GPI: variants seen among roughly 807,000 people sequenced by gnomAD.
GPI encodes the protein glucose-6-phosphate isomerase, also known as D-hexose-6-phosphate anomerase.
GPI carries 56 observed loss-of-function variants against 75.8 expected under a neutral mutation model. The observed-to-expected ratio is 0.74, with a 90% CI of 0.60 to 0.92. The LOEUF is 0.92. GPI is among the 40% of genes least tolerant of loss of function. The probability of loss-of-function intolerance (pLI) is 0.00; values close to 1 mark genes in which losing one functional copy is unlikely to be tolerated. For synonymous variants in GPI, 288 were observed against 285.4 expected, an observed-to-expected ratio of 1.01 and a Z score of -0.09; for missense variants, 638 against 741.0, an observed-to-expected ratio of 0.86 and a Z score of 1.61.
rs375358407 is a variant in GPI at position 34,386,099 on chromosome 19, T to C, written c.804+4580T>C. Among the ~76,000 whole-genome samples the C allele has an allele frequency of 2.3e-4, 34 of 148,686 alleles. No homozygotes were observed. In the South Asian group the frequency reaches 5.4e-3, roughly 23 times the overall value. ...CAGGTAGGTAGAGCTGCCTGCCAGG[T>C]ATGGTCTGAAGAGCCAGGATCAAGT... On this transcript the variant is annotated intron_variant, in intron 9 of 17. Transcript: ENST00000356487.
At chr19:34,364,909 G>T, upstream of GPI, 2 of 1,439,844 alleles carry the variant, frequency 1.4e-6, no homozygotes, top group Non-Finnish European at 1.9e-6. Flanking sequence ...GCAGCGGCGC[G>T]ATGGTAGCTC....
intron 4 of GPI, among the ~76,000 whole-genome samples, chr19:34,376,511 C>T (rs1291320241): frequency 1.3e-5 from 2 of 149,568 alleles, no homozygotes; most frequent in Non-Finnish European, 3.0e-5. Context: ...CTGCAGTGAG[C>T]TGAGATCGTG....
chr19:34,386,275 GTTCAA>G (rs2074733829), intron 9 of GPI, among the ~76,000 whole-genome samples: 2 of 150,998 alleles, frequency 1.3e-5, no homozygotes, highest in African/African-American at 2.4e-5. Flanking sequence ...GAGAACCCAG[GTTCAA>G]GCACAGGTAG....
At chr19:34,368,323 G>GTAGA (rs957439521) in intron 3 of GPI, among the ~76,000 whole-genome samples, 1 of 152,202 alleles carries the variant, frequency 6.6e-6, no homozygotes, top group African/African-American at 2.4e-5. Flanking sequence ...GAGCATCTCT[G>GTAGA]GCAGGCCTTC....
chr19:34,384,860 T>C (rs1328091738), intron 9 of GPI, among the ~76,000 whole-genome samples: 1 of 152,000 alleles, frequency 6.6e-6, no homozygotes, highest in African/African-American at 2.4e-5. Context: ...CTGGCCAGCA[T>C]AGCGAAACCC....
chr19:34,377,241 G>A (rs1192794698), intron 4 of GPI, among the ~76,000 whole-genome samples: 2 of 128,804 alleles, frequency 1.6e-5, no homozygotes, highest in Non-Finnish European at 3.1e-5. Flanking sequence ...GGCAGAGATT[G>A]CAGGGAGCCG....
chr19:34,372,606 C>T (rs2074472266), intron 4 of GPI, among the ~76,000 whole-genome samples: 1 of 152,182 alleles, frequency 6.6e-6, no homozygotes, highest in African/African-American at 2.4e-5. Context: ...CATACTCCTA[C>T]ATTCCAGGTC....
At chr19:34,391,491 G>A (rs1199237157) in intron 9 of GPI, among the ~76,000 whole-genome samples, 6 of 868 alleles carry the variant, frequency 6.9e-3, no homozygotes, top group Non-Finnish European at 0.01. Flanking sequence ...AGTGACTTAG[G>A]AGGTACGATC....
intron 15 of GPI, 73 bp downstream of exon 15, chr19:34,399,408 G>T: frequency 6.3e-7 from 1 of 1,594,530 alleles, no homozygotes; most frequent in Non-Finnish European, 8.6e-7. Context: ...CCAGGCAGGG[G>T]CTTGGGGCGT....
chr19:34,402,379 C>T lies in GPI; in HGVS notation c.*2343C>T, dbSNP rs561734229. 1.3e-5 allele frequency: 2 copies of T among 152,322 alleles called. No individual in the cohort carries two copies. Among genetic ancestry groups the T allele is most frequent in the Admixed American group, 1.3e-4 (2 of 15,300 alleles). The allele number at this position is 152,322 out of a possible 1,614,324, so 9.4% of individuals were successfully genotyped here. On this transcript the variant is annotated 3_prime_UTR_variant, in exon 18 of 18. Transcript: ENST00000356487. ...GCCTCATCCCGCTTTCTGGAATGTA[C>T]TTTTGCTTCAATAAATCTGTGCTTT...
intron 8 of GPI, among the ~76,000 whole-genome samples, chr19:34,380,339 A>G (rs2074631190): frequency 6.6e-6 from 1 of 151,922 alleles, no homozygotes; most frequent in South Asian, 2.1e-4. Flanking sequence ...GCTAGAGTGC[A>G]GTGGTACGAT....
intron 1 of GPI, 73 bp from the exon 2 acceptor site, chr19:34,366,272 A>G: frequency 2.1e-6 from 2 of 969,526 alleles, no homozygotes; most frequent in Non-Finnish European, 3.4e-6. Context: ...TTCTGGGAAC[A>G]GCTCCTGCTT....
chr19:34,377,818 T>C lies in GPI; in HGVS notation c.570T>C (p.Thr190=). The C allele has an allele frequency of 6.2e-7, 1 of 1,614,084 alleles. No individual in the cohort carries two copies. Among genetic ancestry groups the C allele is most frequent in the Admixed American group, 1.7e-5 (1 of 60,016 alleles). Residue 190 remains threonine, a synonymous_variant, in exon 6 of 18, where the codon ACT becomes ACC. Coordinates refer to ENST00000356487, the MANE Select transcript of GPI (RefSeq NM_000175.5). Reference sequence around the variant, plus strand: ...GGTATGTCTCCAACATTGATGGAACTCACATTGCCAAAACCCTGGCCCAGC... The same window carrying C: ...GGTATGTCTCCAACATTGATGGAACCCACATTGCCAAAACCCTGGCCCAGC... The part of the protein sequence containing the change: ...RVWYVSNIDG[T]HIAKTLAQLN...
intron 13 of GPI, 24 bp from the exon 14 acceptor site, chr19:34,396,556 TG>T: frequency 6.2e-7 from 1 of 1,612,786 alleles, no homozygotes; most frequent in African/African-American, 1.3e-5. Flanking sequence ...TGGGGTCATG[TG>T]GGTGACCACA....
At chr19:34,387,131 G>A (rs954012379) in intron 9 of GPI, among the ~76,000 whole-genome samples, 1 of 152,204 alleles carries the variant, frequency 6.6e-6, no homozygotes, top group Non-Finnish European at 1.5e-5. Context: ...AAGGTGTGAG[G>A]GGTCAGGTTA....
chr19:34,399,098 G>A (rs138627275), intron 14 of GPI, 109 bp from the exon 15 acceptor site: 28 of 1,017,102 alleles, frequency 2.8e-5, no homozygotes, highest in African/African-American at 1.9e-4. Context: ...GCTGTACAGC[G>A]AGTGACCCAG....
chr19:34,386,938 G>A (rs575769330), intron 9 of GPI, among the ~76,000 whole-genome samples: 2 of 152,348 alleles, frequency 1.3e-5, no homozygotes, highest in South Asian at 4.1e-4. Context: ...GCTCCTCAGT[G>A]AGCTCATTGG....
chr19:34,361,252 A>T (rs564476589), upstream of GPI, among the ~76,000 whole-genome samples: 109 of 152,082 alleles, frequency 7.2e-4, 1 homozygote, highest in South Asian at 2.5e-3. Context: ...CACCACGTCC[A>T]GCTAATTTTT....
At chr19:34,378,845 A>T in intron 6 of GPI, 89 bp from the exon 7 acceptor site, 1 of 906,826 alleles carries the variant, frequency 1.1e-6, no homozygotes, top group Non-Finnish European at 1.9e-6. Flanking sequence ...ACAGCTGGGC[A>T]TTGCCTTGGC....
Sources: allele counts gnomAD v4.1 joint callset (sites outside exome capture counted in the v4.1 genomes callset), GRCh38; gene constraint gnomAD v4.1.1; transcripts MANE v1.5; gene names NCBI Gene and HGNC (gene_info 2026-07-23, HGNC 2026-07-21).